FANCI: variants seen among roughly 807,000 people sequenced by gnomAD.
The protein encoded by FANCI is Fanconi anemia group I protein.
FANCI carries 156 observed loss-of-function variants against 176.1 expected under a neutral mutation model. That is an observed-to-expected ratio of 0.89 (90% CI 0.78 to 1.01). The LOEUF (loss-of-function observed/expected upper bound fraction) is 1.01, where lower values mean the gene tolerates loss of function less well. FANCI is among the 50% of genes least tolerant of loss of function. FANCI has a pLI of 0.00. For missense variants in FANCI, 1,678 were observed against 1,534.1 expected, an observed-to-expected ratio of 1.09 and a Z score of -1.57; for synonymous variants, 613 against 541.7, an observed-to-expected ratio of 1.13 and a Z score of -1.83.
At chr15:89,280,183 A>G (rs570280793) in intron 14 of FANCI, among the ~76,000 whole-genome samples, 5 of 152,162 alleles carry the variant, frequency 3.3e-5, no homozygotes, top group South Asian at 2.1e-4. Flanking sequence ...CACCACACCC[A>G]GCTAATTTTT....
At chr15:89,294,842 A>G in intron 23 of FANCI, 73 bp from the exon 24 acceptor site, 1 of 1,472,144 alleles carries the variant, frequency 6.8e-7, no homozygotes. Flanking sequence ...CAATTTCTAG[A>G]AAGCTTAATT....
intron 9 of FANCI, among the ~76,000 whole-genome samples, chr15:89,266,652 T>G (rs2052975903): frequency 6.6e-6 from 1 of 150,592 alleles, no homozygotes; most frequent in Non-Finnish European, 1.5e-5. Context: ...TTTTAAAAAT[T>G]TTTTCTAGAG....
chr15:89,279,545 T>C (rs2053536792), intron 14 of FANCI, among the ~76,000 whole-genome samples: 1 of 152,216 alleles, frequency 6.6e-6, no homozygotes, highest in Non-Finnish European at 1.5e-5. Context: ...GTGTCATTCA[T>C]CACTGTTTAT....
chr15:89,264,934 A>G (rs970382989), intron 9 of FANCI, among the ~76,000 whole-genome samples: 1 of 152,212 alleles, frequency 6.6e-6, no homozygotes, highest in African/African-American at 2.4e-5. Context: ...TAGAACTTCA[A>G]TTTTAGTGAG....
At chr15:89,247,607 CT>C in intron 1 of FANCI, 21 bp from the exon 2 acceptor site, 4 of 1,532,546 alleles carry the variant, frequency 2.6e-6, no homozygotes, top group Non-Finnish European at 3.6e-6. Flanking sequence ...CTTCACCCAC[CT>C]CTGACGTTTT....
chr15:89,260,302 G>C (rs1003705170), intron 3 of FANCI, among the ~76,000 whole-genome samples: 2 of 152,032 alleles, frequency 1.3e-5, no homozygotes, highest in Non-Finnish European at 2.9e-5. Flanking sequence ...CCAAATGAAA[G>C]CACTCAACTT....
intron 14 of FANCI, among the ~76,000 whole-genome samples, chr15:89,280,096 A>G (rs1280583494): frequency 6.6e-6 from 1 of 152,152 alleles, no homozygotes; most frequent in East Asian, 1.9e-4. Flanking sequence ...ATCTCAGCTC[A>G]CTGCAACCTC....
At chr15:89,314,518 C>A in intron 35 of FANCI, 94 bp from the exon 36 acceptor site, 1 of 933,198 alleles carries the variant, frequency 1.1e-6, no homozygotes. Context: ...CTAGTTTTCC[C>A]CTAAAGCCAT....
intron 6 of FANCI, among the ~76,000 whole-genome samples, 199 bp downstream of exon 6, chr15:89,262,077 A>C (rs879843471): frequency 6.6e-6 from 1 of 152,198 alleles, no homozygotes; most frequent in Admixed American, 6.5e-5. Flanking sequence ...AAGACTGTTC[A>C]TATAGTTTTA....
chr15:89,286,372 A>G (rs1048420780), intron 18 of FANCI, among the ~76,000 whole-genome samples: 5 of 152,184 alleles, frequency 3.3e-5, no homozygotes, highest in African/African-American at 1.2e-4. Flanking sequence ...TGATTAAATC[A>G]CTAGTTATTA....
chr15:89,291,061 C>G (rs990239089), intron 19 of FANCI, among the ~76,000 whole-genome samples: 1 of 152,120 alleles, frequency 6.6e-6, no homozygotes, highest in African/African-American at 2.4e-5. Flanking sequence ...CGCTTTCTGA[C>G]TCAGGTTAAT....
intron 9 of FANCI, among the ~76,000 whole-genome samples, chr15:89,267,945 A>G (rs1472456449): frequency 6.6e-6 from 1 of 152,152 alleles, no homozygotes; most frequent in East Asian, 1.9e-4. Context: ...AGATGGATAG[A>G]TAGATAGACA....
At chr15:89,310,507 G>A (rs956183329) in intron 34 of FANCI, among the ~76,000 whole-genome samples, 2 of 152,110 alleles carry the variant, frequency 1.3e-5, no homozygotes, top group East Asian at 1.9e-4. Flanking sequence ...TTCCTCCCTA[G>A]GCATTTTCCT....
chr15:89,315,325 T>G lies in FANCI; in HGVS notation c.3860T>G (p.Phe1287Cys). 1 of 1,614,056 alleles carries G rather than the reference T, an allele frequency of 6.2e-7. No homozygotes were observed. Among genetic ancestry groups the G allele is most frequent in the Non-Finnish European group, 8.5e-7 (1 of 1,179,966 alleles). Residue 1287 changes from phenylalanine to cysteine, a missense_variant, in exon 37 of 38, where the codon TTC becomes TGC. Coordinates refer to ENST00000310775, the MANE Select transcript of FANCI (RefSeq NM_001113378.2). ...ATGAAGCTCAGCACCTCACGAGACT[T>G]CAAGATCAAAGGAAACATCCTAGAC... The part of the protein sequence containing the change: ...QHMKLSTSRD[F>C]KIKGNILDMV...
intron 34 of FANCI, among the ~76,000 whole-genome samples, chr15:89,308,750 G>T (rs138080173): frequency 3.9e-5 from 6 of 152,056 alleles, no homozygotes; most frequent in Admixed American, 1.3e-4. Context: ...TTCAAGACCA[G>T]CCTGGCCAAC....
At chr15:89,275,415 G>T (rs966610971) in intron 12 of FANCI, among the ~76,000 whole-genome samples, 6 of 152,110 alleles carry the variant, frequency 3.9e-5, no homozygotes, top group African/African-American at 1.4e-4. Context: ...ATTAGCTGTT[G>T]TAACAGTCTT....
intron 35 of FANCI, 54 bp from the exon 36 acceptor site, chr15:89,314,558 A>G: frequency 7.3e-7 from 1 of 1,368,258 alleles, no homozygotes; most frequent in Non-Finnish European, 1.0e-6. Flanking sequence ...CTTCAGAGGA[A>G]AACTTCAAAA....
intron 16 of FANCI, chr15:89,282,109 T>C (rs1210895595): frequency 2.4e-6 from 1 of 422,092 alleles, no homozygotes; most frequent in Non-Finnish European, 4.4e-6. Context: ...TTTCCAAAAG[T>C]AAAACAGTAG....
intron 32 of FANCI, among the ~76,000 whole-genome samples, chr15:89,306,774 A>G (rs917902266): frequency 1.3e-5 from 2 of 152,166 alleles, no homozygotes; most frequent in Non-Finnish European, 2.9e-5. Context: ...TTGAGAATGA[A>G]TGCCTCTTTT....
Sources: gnomAD v4.1 joint callset for allele counts (sites outside exome capture counted in the v4.1 genomes callset) on GRCh38, gnomAD v4.1.1 for gene constraint, MANE v1.5 for transcripts, NCBI Gene and HGNC (gene_info 2026-07-23, HGNC 2026-07-21) for gene names.